AK5: variants seen among roughly 807,000 people sequenced by gnomAD.
AK5 encodes adenylate kinase 5.
In AK5, 27 loss-of-function variants were observed where a neutral mutation model predicts 69.5. The observed-to-expected ratio is 0.39, with a 90% CI of 0.29 to 0.54. The LOEUF (loss-of-function observed/expected upper bound fraction) is 0.54. Ranked by LOEUF, AK5 falls within the 20% of genes least tolerant of loss-of-function variation. The pLI is 0.71. For missense variants in AK5, 531 were observed against 700.4 expected, an observed-to-expected ratio of 0.76 and a Z score of 2.73; for synonymous variants, 260 against 244.4, an observed-to-expected ratio of 1.06 and a Z score of -0.60.
chr1:77,425,141 AAG>A (rs1651108542), intron 8 of AK5, among the ~76,000 whole-genome samples: 1 of 152,192 alleles, frequency 6.6e-6, no homozygotes, highest in African/African-American at 2.4e-5. Flanking sequence ...GAGGGGAATA[AAG>A]CACCAACCTA....
intron 10 of AK5, among the ~76,000 whole-genome samples, chr1:77,515,948 G>C (rs1005062366): frequency 1.3e-5 from 2 of 152,130 alleles, no homozygotes; most frequent in African/African-American, 4.8e-5. Context: ...CGTAGTCCCA[G>C]CTAACTCAAG....
intron 10 of AK5, among the ~76,000 whole-genome samples, chr1:77,486,773 T>G (rs1056595550): frequency 1.3e-5 from 2 of 152,096 alleles, no homozygotes; most frequent in African/African-American, 4.8e-5. Context: ...TTGGTCAAAA[T>G]AGTACCCCAA....
rs1557532691 is a variant in AK5 at position 77,367,574 on chromosome 1, T to TA, written c.891+27007dup. Among the ~76,000 whole-genome samples the TA allele has an allele frequency of 1.5e-3, 16 of 10,844 alleles. 1 individual carries two copies. Among genetic ancestry groups the TA allele is most frequent in the African/African-American group, 3.2e-3 (14 of 4,370 alleles). The allele number at this position is 10,844 out of a possible 152,430, so 7.1% of individuals were successfully genotyped here. On this transcript the variant is annotated intron_variant, in intron 6 of 13. Transcript: ENST00000354567. ...TGTTATTTTTATATATATATATATA[T>TA]ATATAATATATATGTTATATATGTA... is the stretch of plus-strand genomic sequence containing the variant.
chr1:77,428,896 T>C (rs1443954170), intron 8 of AK5, among the ~76,000 whole-genome samples: 1 of 152,170 alleles, frequency 6.6e-6, no homozygotes, highest in Non-Finnish European at 1.5e-5. Flanking sequence ...GAATGATGGT[T>C]TCCAGCTTCA....
chr1:77,320,557 T>C (rs1660476276), intron 5 of AK5, among the ~76,000 whole-genome samples: 1 of 152,142 alleles, frequency 6.6e-6, no homozygotes, highest in Non-Finnish European at 1.5e-5. Flanking sequence ...GGGACCAGCC[T>C]GGTCAATATG....
chr1:77,490,473 T>C (rs1405439387), intron 10 of AK5, among the ~76,000 whole-genome samples: 2 of 152,212 alleles, frequency 1.3e-5, no homozygotes, highest in Non-Finnish European at 2.9e-5. Flanking sequence ...TGTGACTATA[T>C]ATTCTTGTTC....
chr1:77,444,173 C>CTA (rs367922787), intron 8 of AK5, among the ~76,000 whole-genome samples: 5 of 139,692 alleles, frequency 3.6e-5, no homozygotes, highest in African/African-American at 5.5e-5. Flanking sequence ...CACTCTCTCT[C>CTA]TATATATATG....
chr1:77,322,297 A>G (rs1350010043), intron 5 of AK5, among the ~76,000 whole-genome samples: 2 of 151,816 alleles, frequency 1.3e-5, no homozygotes, highest in African/African-American at 2.4e-5. Flanking sequence ...TCTGTGAGTC[A>G]TGGCCTAAAG....
At chr1:77,401,777 C>T (rs1649231251) in intron 6 of AK5, among the ~76,000 whole-genome samples, 1 of 152,168 alleles carries the variant, frequency 6.6e-6, no homozygotes, top group African/African-American at 2.4e-5. Context: ...CATAATTCTC[C>T]TCCCTCTGCT....
At chr1:77,355,868 T>TACAC (rs66682700) in intron 6 of AK5, among the ~76,000 whole-genome samples, 154 of 146,250 alleles carry the variant, frequency 1.1e-3, no homozygotes, top group African/African-American at 3.5e-3. Context: ...CCTCATTAAA[T>TACAC]ACACACACAC....
chr1:77,478,888 A>G (rs1195244734), intron 8 of AK5, among the ~76,000 whole-genome samples: 1 of 152,116 alleles, frequency 6.6e-6, no homozygotes, highest in East Asian at 1.9e-4. Context: ...GCCACTCTTC[A>G]TACAAATGAT....
In AK5 at chr1:77,518,435, A is replaced by C. The variant is rs868172153; in HGVS notation, c.1148-129A>C. The C allele has an allele frequency of 5.4e-6, 5 of 925,290 alleles. 1 individual carries two copies. The Middle Eastern group carries it at 1.2e-3, about 228-fold the overall frequency. 57.3% of individuals were successfully genotyped at this position (925,290 alleles called of 1,614,324 possible). A position where few individuals can be genotyped will look rare whatever the true frequency, so the allele number is the denominator to read the frequency against. ...CACCACTCTCAGCACAGCTCCTGGT[A>C]TAGCAAATCTCAAGTTCCCAATACA... On this transcript the variant is annotated intron_variant, in intron 10 of 13. Coordinates refer to ENST00000354567, the MANE Select transcript of AK5 (RefSeq NM_174858.3).
chr1:77,333,871 G>A (rs567434740), intron 5 of AK5, among the ~76,000 whole-genome samples: 22 of 152,292 alleles, frequency 1.4e-4, no homozygotes, highest in African/African-American at 5.1e-4. Flanking sequence ...TACTTTTACA[G>A]TGGTAAAGGT....
intron 8 of AK5, among the ~76,000 whole-genome samples, chr1:77,449,971 C>A (rs1260595247): frequency 6.6e-6 from 1 of 152,166 alleles, no homozygotes; most frequent in Non-Finnish European, 1.5e-5. Context: ...ACACCCAAGT[C>A]ACATCTTGAA....
At position 77,404,315 on chromosome 1, in the gene AK5, C is replaced by A. The variant is rs1047591643; in HGVS notation, c.892-6666C>A. On this transcript the variant is annotated intron_variant, in intron 6 of 13. Transcript: ENST00000354567. The stretch of plus-strand genomic sequence containing the variant: ...ATTTAGCAGCATCCCTGGCAAGTAG[C>A]CCCCTGACCCCCTGCAAGTGTGACA... 3.3e-5 allele frequency among the ~76,000 whole-genome samples: 5 copies of A among 152,122 alleles called. 1 individual carries two copies. The East Asian group carries it at 9.6e-4, about 29-fold the overall frequency.
intron 6 of AK5, among the ~76,000 whole-genome samples, chr1:77,355,697 T>C (rs1189869764): frequency 6.6e-6 from 1 of 152,176 alleles, no homozygotes; most frequent in African/African-American, 2.4e-5. Flanking sequence ...CTTTCTACTA[T>C]AACTCTGTCT....
intron 10 of AK5, 45 bp from the exon 11 acceptor site, chr1:77,518,519 G>A (rs761725879): frequency 2.5e-6 from 4 of 1,594,384 alleles, no homozygotes; most frequent in Non-Finnish European, 3.4e-6. Context: ...TAAAAATGAG[G>A]CACCAGACTT....
intron 2 of AK5, among the ~76,000 whole-genome samples, chr1:77,292,351 C>G (rs972364470): frequency 6.6e-6 from 1 of 152,086 alleles, no homozygotes; most frequent in Admixed American, 6.5e-5. Flanking sequence ...TTTCATGAAG[C>G]TAAAATGAAT....
At chr1:77,410,000 C>T (rs886698669) in intron 6 of AK5, among the ~76,000 whole-genome samples, 19 of 152,014 alleles carry the variant, frequency 1.2e-4, no homozygotes, top group African/African-American at 4.1e-4. Context: ...AATAGGGAGT[C>T]TTTTCTGCAT....
Sources: allele counts gnomAD v4.1 joint callset (sites outside exome capture counted in the v4.1 genomes callset), GRCh38; gene constraint gnomAD v4.1.1; transcripts MANE v1.5; gene names NCBI Gene and HGNC (gene_info 2026-07-23, HGNC 2026-07-21).